Variants in PRH1 observed in about 807,000 individuals in gnomAD.
PRH1 encodes the protein salivary acidic proline-rich phosphoprotein 1/2.
Under a neutral mutation model 7.9 loss-of-function variants are expected in PRH1, and 7 were observed. That is an observed-to-expected ratio of 0.89 (90% CI 0.50 to 1.67). The LOEUF is 1.67. PRH1 is among the 40% of genes most tolerant of loss of function. The pLI is 0.00. For missense variants in PRH1, 109 were observed against 223.6 expected, an observed-to-expected ratio of 0.49 and a Z score of 3.27; for synonymous variants, 45 against 80.8, an observed-to-expected ratio of 0.56 and a Z score of 2.38.
intron 1 of PRH1, among the ~76,000 whole-genome samples, chr12:11,149,116 TGG>T (rs1412927100): frequency 6.6e-6 from 1 of 152,038 alleles, no homozygotes; most frequent in Admixed American, 6.5e-5. Flanking sequence ...TGTATTTCTG[TGG>T]GATCGGTGGT....
chr12:10,997,670 G>T, intron 1 of PRH1: 2 of 1,613,670 alleles, frequency 1.2e-6, no homozygotes, highest in Non-Finnish European at 1.7e-6. Flanking sequence ...ATTCAACACA[G>T]TTGAATACCA....
chr12:11,039,464 G>A (rs1942608312), intron 1 of PRH1, among the ~76,000 whole-genome samples: 1 of 152,196 alleles, frequency 6.6e-6, no homozygotes, highest in Non-Finnish European at 1.5e-5. Context: ...CGTTGTTGAA[G>A]TAAAACCTGA....
At chr12:11,147,163 T>C (rs959295072) in intron 1 of PRH1, among the ~76,000 whole-genome samples, 2 of 151,688 alleles carry the variant, frequency 1.3e-5, no homozygotes, top group Non-Finnish European at 2.9e-5. Context: ...TTTATAATAC[T>C]CAGTTTATCT....
chr12:10,938,961 T>C (rs1314984313), intron 2 of PRH1: 3 of 1,613,662 alleles, frequency 1.9e-6, no homozygotes, highest in African/African-American at 2.7e-5. Flanking sequence ...GTAAGCATTC[T>C]GAACATTTTT....
At chr12:10,888,406 G>A (rs919734265), upstream of PRH1, among the ~76,000 whole-genome samples, 2 of 152,310 alleles carry the variant, frequency 1.3e-5, no homozygotes, top group African/African-American at 4.8e-5. Context: ...GGCTCAGTGA[G>A]AGTTGGAGAG....
At chr12:11,061,485 G>A in intron 1 of PRH1, 3 of 1,614,132 alleles carry the variant, frequency 1.9e-6, no homozygotes, top group Non-Finnish European at 2.5e-6. Flanking sequence ...TTGAAGGATA[G>A]CTGAATGCAA....
intron 1 of PRH1, among the ~76,000 whole-genome samples, chr12:11,136,050 G>A (rs1271865753): frequency 1.3e-5 from 2 of 152,150 alleles, no homozygotes; most frequent in Non-Finnish European, 1.5e-5. Context: ...ACTGAAAACA[G>A]CCTAGGTCCA....
intron 1 of PRH1, chr12:11,031,172 C>G: frequency 6.2e-7 from 1 of 1,614,224 alleles, no homozygotes; most frequent in Non-Finnish European, 8.5e-7. Flanking sequence ...CAAACCAACT[C>G]TGGAGACCGC....
At chr12:10,929,273 G>A (rs764064222) in intron 2 of PRH1, 24 of 1,614,080 alleles carry the variant, frequency 1.5e-5, no homozygotes, top group East Asian at 8.9e-5. Context: ...CCTTCTGCAA[G>A]ATGCTTCTGA....
intron 1 of PRH1, chr12:11,061,324 T>TG (rs760549574): frequency 6.4e-7 from 1 of 1,568,814 alleles, no homozygotes; most frequent in Admixed American, 2.0e-5. Flanking sequence ...TATAACACGT[T>TG]TGTTTTCTGC....
chr12:11,001,164 A>AG (rs1940575091), intron 1 of PRH1, among the ~76,000 whole-genome samples: 1 of 150,912 alleles, frequency 6.6e-6, no homozygotes, highest in African/African-American at 2.4e-5. Flanking sequence ...TTTTTTTTTT[A>AG]GGGGGGGATA....
intron 1 of PRH1, among the ~76,000 whole-genome samples, chr12:11,104,856 TA>T (rs1385983130): frequency 2.0e-5 from 3 of 152,032 alleles, no homozygotes; most frequent in Non-Finnish European, 4.4e-5. Flanking sequence ...TGTATTTATA[TA>T]AAATATTATT....
chr12:11,012,837 G>A (rs539667290), intron 1 of PRH1, among the ~76,000 whole-genome samples: 3 of 152,084 alleles, frequency 2.0e-5, no homozygotes, highest in African/African-American at 7.2e-5. Context: ...GGATACAGGC[G>A]TGAACTGCAC....
At chr12:10,888,631 T>C (rs1440748070), upstream of PRH1, among the ~76,000 whole-genome samples, 3 of 152,242 alleles carry the variant, frequency 2.0e-5, no homozygotes, top group East Asian at 5.8e-4. Flanking sequence ...TTATTTATAC[T>C]ACTTTTGATT....
At chr12:11,020,700 A>G (rs1941577876) in intron 1 of PRH1, among the ~76,000 whole-genome samples, 1 of 152,038 alleles carries the variant, frequency 6.6e-6, no homozygotes. Context: ...ACATTTGAGG[A>G]AAGTTTCATT....
At chr12:11,164,960 C>T (rs1286556850) in intron 1 of PRH1, among the ~76,000 whole-genome samples, 1 of 152,158 alleles carries the variant, frequency 6.6e-6, no homozygotes, top group African/African-American at 2.4e-5. Context: ...TTGGCTATCA[C>T]TGATCTGTTT....
At chr12:10,940,460 T>C (rs1950381055) in intron 2 of PRH1, among the ~76,000 whole-genome samples, 1 of 152,242 alleles carries the variant, frequency 6.6e-6, no homozygotes, top group Admixed American at 6.5e-5. Flanking sequence ...GGTAGAAATC[T>C]ATCTATTGTC....
chr12:11,052,391 A>G (rs1943185204), intron 1 of PRH1, among the ~76,000 whole-genome samples: 1 of 152,252 alleles, frequency 6.6e-6, no homozygotes, highest in Admixed American at 6.5e-5. Context: ...GGTTGTATTT[A>G]GAATGCAATT....
intron 2 of PRH1, chr12:10,939,084 A>T (rs1950348624): frequency 6.2e-7 from 1 of 1,614,010 alleles, no homozygotes; most frequent in Non-Finnish European, 8.5e-7. Context: ...TCAACCGAAG[A>T]GATCTTTCTT....
Sources: allele counts gnomAD v4.1 joint callset (sites outside exome capture counted in the v4.1 genomes callset), GRCh38; gene constraint gnomAD v4.1.1; transcripts MANE v1.5; gene names NCBI Gene and HGNC (gene_info 2026-07-23, HGNC 2026-07-21).